The following KLHL24 variants were observed in gnomAD, a reference collection of about 807,000 sequenced individuals.
KLHL24 encodes the protein kelch like family member 24, also known as kelch-like protein 24.
A neutral mutation model predicts 53.4 loss-of-function variants in KLHL24; 29 were observed. That is an observed-to-expected ratio of 0.54 (90% CI 0.40 to 0.74). KLHL24 has a LOEUF of 0.74. Ranked by LOEUF, KLHL24 falls within the 30% of genes least tolerant of loss-of-function variation. The pLI is 0.00. For missense variants in KLHL24, 504 were observed against 744.0 expected, an observed-to-expected ratio of 0.68 and a Z score of 3.75; for synonymous variants, 222 against 253.7, an observed-to-expected ratio of 0.88 and a Z score of 1.19.
At chr3:183,648,762 G>GAGGCCA (rs1717689206) in intron 2 of KLHL24, among the ~76,000 whole-genome samples, 1 of 152,142 alleles carries the variant, frequency 6.6e-6, no homozygotes, top group Admixed American at 6.5e-5. Flanking sequence ...AGCACTTTGG[G>GAGGCCA]AGGCCAAGGT....
intron 1 of KLHL24, chr3:183,643,253 CAAGT>C (rs2108770235): frequency 6.6e-6 from 1 of 152,128 alleles, no homozygotes; most frequent in African/African-American, 2.4e-5. Flanking sequence ...AAAAAACTGT[CAAGT>C]AAGGAAGTTG....
chr3:183,662,817 A>G (rs1719994190), intron 3 of KLHL24, among the ~76,000 whole-genome samples: 1 of 152,156 alleles, frequency 6.6e-6, no homozygotes, highest in African/African-American at 2.4e-5. Flanking sequence ...TACATTTTTT[A>G]GATAGTATTG....
Position 183,650,026 on chromosome 3 carries a change from A to T in KLHL24, c.-61-270A>T, listed in dbSNP as rs1456956626. ...ACTCAGCTCTGTAAATGGGGAGGAAACGGAAGGTTATTAGTAACTCACGAA... is the reference window on the plus strand; with the variant it reads ...ACTCAGCTCTGTAAATGGGGAGGAATCGGAAGGTTATTAGTAACTCACGAA... On this transcript the variant is annotated intron_variant, in intron 2 of 7. Transcript: ENST00000242810. This position sits in a 1 kb window ranked among gnomAD's most constrained non-coding sequence, Gnocchi z 4.5. 2.0e-5 allele frequency among the ~76,000 whole-genome samples: 3 copies of T among 152,236 alleles called. No individual in the cohort carries two copies. The highest frequency in any genetic ancestry group is 7.2e-5 in the African/African-American group (3 of 41,468).
intron 5 of KLHL24, among the ~76,000 whole-genome samples, chr3:183,669,644 G>T (rs1029581878): frequency 9.2e-5 from 14 of 152,204 alleles, no homozygotes; most frequent in Non-Finnish European, 1.8e-4. Context: ...TGCACAGAAA[G>T]ATAAATTGTG....
chr3:183,661,807 A>G (rs1053803457), intron 3 of KLHL24, among the ~76,000 whole-genome samples: 42 of 152,224 alleles, frequency 2.8e-4, no homozygotes, highest in African/African-American at 1.0e-3. Flanking sequence ...CCTATGATAT[A>G]TAATCATTAC....
At chr3:183,645,238 C>T (rs971734760) in intron 2 of KLHL24, among the ~76,000 whole-genome samples, 4 of 152,146 alleles carry the variant, frequency 2.6e-5, no homozygotes, top group Admixed American at 2.6e-4. Flanking sequence ...ATATTACATA[C>T]ATTGAACTTT....
intron 7 of KLHL24, among the ~76,000 whole-genome samples, chr3:183,675,470 C>T (rs968874176): frequency 1.3e-5 from 2 of 152,162 alleles, no homozygotes; most frequent in African/African-American, 4.8e-5. Flanking sequence ...CAGGGACCTC[C>T]CCTGGAAAAC....
chr3:183,679,523 A>G lies in KLHL24; in HGVS notation c.*237A>G. On this transcript the variant is annotated 3_prime_UTR_variant, in exon 8 of 8. Transcript: ENST00000242810. ...GGTGGTTGTTACTTGGCCTTTGAAGAGTGTACCTTTGTAAGTATTTGTAAG... is the reference window on the plus strand; with the variant it reads ...GGTGGTTGTTACTTGGCCTTTGAAGGGTGTACCTTTGTAAGTATTTGTAAG... 2.1e-6 allele frequency: 1 copy of G among 467,838 alleles called. No homozygotes were observed. Among genetic ancestry groups the G allele is most frequent in the Non-Finnish European group, 3.8e-6 (1 of 262,560 alleles). 29.0% of individuals were successfully genotyped at this position (467,838 alleles called of 1,614,324 possible). A position where few individuals can be genotyped will look rare whatever the true frequency, so the allele number is the denominator to read the frequency against.
chr3:183,673,389 CT>C (rs5855003), intron 7 of KLHL24, among the ~76,000 whole-genome samples: 3 of 149,562 alleles, frequency 2.0e-5, no homozygotes, highest in Admixed American at 1.3e-4. Flanking sequence ...TTGGGCTGTT[CT>C]TTTTTTTTTC....
intron 7 of KLHL24, among the ~76,000 whole-genome samples, chr3:183,676,679 T>G (rs960590871): frequency 1.3e-5 from 2 of 152,184 alleles, no homozygotes; most frequent in African/African-American, 4.8e-5. Flanking sequence ...AAAACACAGC[T>G]TATTATTCAA....
At chr3:183,678,977 A>C in intron 7 of KLHL24, 109 bp from the exon 8 acceptor site, 1 of 824,314 alleles carries the variant, frequency 1.2e-6, no homozygotes, top group East Asian at 2.6e-5. Flanking sequence ...AGCTTTTATC[A>C]TGTCTCCCTT....
chr3:183,655,963 T>A (rs1718808000), intron 3 of KLHL24, among the ~76,000 whole-genome samples: 1 of 151,634 alleles, frequency 6.6e-6, no homozygotes, highest in East Asian at 1.9e-4. Flanking sequence ...TTTTAAAAAT[T>A]GACATTCTGC....
Position 183,679,149 on chromosome 3 carries a change from G to C in KLHL24, c.1666G>C (p.Gly556Arg). 6.2e-7 allele frequency: 1 copy of C among 1,613,980 alleles called. No individual in the cohort carries two copies. Among genetic ancestry groups the C allele is most frequent in the South Asian group, 1.1e-5 (1 of 91,084 alleles). ...IYILGGRREN[G>R]EATDTILCYD... ...TATCCTGGGCGGAAGACGGGAAAAT[G>C]GAGAAGCCACAGACACTATTCTCTG... Residue 556 changes from glycine to arginine, a missense_variant, in exon 8 of 8, where the codon GGA becomes CGA. Transcript: ENST00000242810.
rs2108919084 is a variant in KLHL24, at chr3:183,683,403, T to G, written c.*4117T>G. 6.5e-6 allele frequency: 1 copy of G among 152,716 alleles called. No homozygotes were observed. Among genetic ancestry groups the G allele is most frequent in the Middle Eastern group, 3.4e-3 (1 of 294 alleles). The allele number at this position is 152,716 out of a possible 1,614,324, so 9.5% of individuals were successfully genotyped here. Reference sequence around the variant, plus strand: ...TTGTGCATCTTATTGAAAGCCAGGTTTACATCACCTCACCCCATTATTCTT... The same window carrying G: ...TTGTGCATCTTATTGAAAGCCAGGTGTACATCACCTCACCCCATTATTCTT... On this transcript the variant is annotated 3_prime_UTR_variant, in exon 8 of 8. Coordinates refer to ENST00000242810, the MANE Select transcript of KLHL24 (RefSeq NM_017644.3).
At chr3:183,646,084 G>T (rs1202690992) in intron 2 of KLHL24, among the ~76,000 whole-genome samples, 1 of 151,128 alleles carries the variant, frequency 6.6e-6, no homozygotes, top group African/African-American at 2.4e-5. Context: ...AATGAGGGTG[G>T]CCAGGTGTGG....
At chr3:183,647,100 C>T (rs559810459) in intron 2 of KLHL24, among the ~76,000 whole-genome samples, 271 of 148,930 alleles carry the variant, frequency 1.8e-3, no homozygotes, top group Middle Eastern at 0.014. Flanking sequence ...CGTCAGCCAC[C>T]GCGCCCGGCC....
chr3:183,650,664 G>A lies in KLHL24; in HGVS notation c.308G>A (p.Arg103Gln), dbSNP rs761810211. 1.7e-5 allele frequency: 27 copies of A among 1,613,950 alleles called. No homozygotes were observed. The highest frequency in any genetic ancestry group is 4.0e-5 in the African/African-American group (3 of 74,932). ...AMFCNDHRESREMLVEINGIL... is the reference protein window; with the variant it reads ...AMFCNDHRESQEMLVEINGIL... ...TTTTGTAATGACCACAGGGAAAGCC[G>A]AGAAATGTTGGTTGAGATCAATGGT... The change falls in exon 3 of 8, where the codon CGA (arginine) becomes CAA (glutamine). Residue 103 changes from arginine to glutamine, a missense_variant. Physicochemically the swap from Arg to Gln is conservative, Grantham distance 43. Transcript: ENST00000242810. This position sits in a 1 kb window ranked among gnomAD's most constrained non-coding sequence, Gnocchi z 4.5.
At chr3:183,653,485 C>T (rs1445307755) in intron 3 of KLHL24, among the ~76,000 whole-genome samples, 4 of 152,024 alleles carry the variant, frequency 2.6e-5, no homozygotes, top group African/African-American at 9.7e-5. Context: ...AGTGGAGTGG[C>T]TAGCCAGTGG....
chr3:183,655,251 A>T (rs572660230), intron 3 of KLHL24, among the ~76,000 whole-genome samples: 1 of 152,334 alleles, frequency 6.6e-6, no homozygotes, highest in Middle Eastern at 3.4e-3. Flanking sequence ...GAAAGCTTTG[A>T]TAATCTGCCC....
Sources: allele counts gnomAD v4.1 joint callset (sites outside exome capture counted in the v4.1 genomes callset), GRCh38; gene constraint gnomAD v4.1.1; non-coding constraint Gnocchi (gnomAD v3.1); transcripts MANE v1.5; gene names NCBI Gene and HGNC (gene_info 2026-07-23, HGNC 2026-07-21).